Variants in EPS15 observed in about 807,000 individuals in gnomAD.
EPS15 encodes epidermal growth factor receptor substrate 15.
EPS15 carries 72 observed loss-of-function variants against 113.8 expected under a neutral mutation model. The observed-to-expected ratio is 0.63, with a 90% CI of 0.52 to 0.77. The LOEUF (loss-of-function observed/expected upper bound fraction) is 0.77. Among genes scored for constraint, EPS15 ranks in the 30% least tolerant of loss-of-function variants. The pLI is 0.00. For missense variants in EPS15, 1,048 were observed against 1,045.8 expected, an observed-to-expected ratio of 1.00 and a Z score of -0.03; for synonymous variants, 344 against 363.4, an observed-to-expected ratio of 0.95 and a Z score of 0.61.
intron 1 of EPS15, among the ~76,000 whole-genome samples, chr1:51,486,672 TTTC>T (rs1167394332): frequency 6.6e-6 from 1 of 152,086 alleles, no homozygotes; most frequent in Non-Finnish European, 1.5e-5. Flanking sequence ...TATTTATAAT[TTTC>T]TTTTCTTTTT....
rs893028487 is a variant in EPS15, at chr1:51,355,851, G to C, written c.*849C>G. 9 of 199,454 alleles carry C rather than the reference G, an allele frequency of 4.5e-5. No individual in the cohort carries two copies. The highest frequency in any genetic ancestry group is 1.6e-4 in the African/African-American group (7 of 43,550). The allele number at this position is 199,454 out of a possible 1,614,324, so 12.4% of individuals were successfully genotyped here. ...GGGCCACGGCAAAGGCAGAATGGCT[G>C]CCATGTTAAGACTTTTGCTTGCCTT... On this transcript the variant is annotated 3_prime_UTR_variant, in exon 25 of 25. Coordinates refer to ENST00000371733, the MANE Select transcript of EPS15 (RefSeq NM_001981.3).
intron 19 of EPS15, 94 bp downstream of exon 19, chr1:51,400,824 C>G: frequency 1.5e-6 from 1 of 648,404 alleles, no homozygotes; most frequent in Non-Finnish European, 2.5e-6. Flanking sequence ...CATAGAGCAT[C>G]TTACTGGGGC....
intron 1 of EPS15, among the ~76,000 whole-genome samples, chr1:51,515,109 G>C (rs1644691367): frequency 1.3e-5 from 2 of 152,150 alleles, no homozygotes; most frequent in African/African-American, 2.4e-5. Context: ...GAAATTATGG[G>C]AGATGTTTTC....
At chr1:51,405,837 T>C (rs1649069025) in intron 16 of EPS15, 68 bp downstream of exon 16, 2 of 1,283,934 alleles carry the variant, frequency 1.6e-6, no homozygotes, top group South Asian at 2.4e-5. Flanking sequence ...ATATTAGATA[T>C]AATGTCAGTG....
At chr1:51,383,090 T>G (rs72694158) in intron 21 of EPS15, among the ~76,000 whole-genome samples, 3,199 of 152,334 alleles carry the variant, frequency 0.021, 52 homozygotes, top group Non-Finnish European at 0.031. Flanking sequence ...AATCATTCAA[T>G]GTAATACACC....
At chr1:51,406,409 A>G (rs555967161) in intron 15 of EPS15, among the ~76,000 whole-genome samples, 1 of 152,286 alleles carries the variant, frequency 6.6e-6, no homozygotes, top group African/African-American at 2.4e-5. Context: ...CCAGAGGTCA[A>G]GGCTGCAGTG....
chr1:51,423,986 A>T (rs1176220285), intron 12 of EPS15, among the ~76,000 whole-genome samples: 2 of 152,012 alleles, frequency 1.3e-5, no homozygotes, highest in Non-Finnish European at 2.9e-5. Flanking sequence ...TATCCTGAAG[A>T]CCATTCCCAA....
chr1:51,357,446 A>AT (rs1491418120), intron 24 of EPS15, among the ~76,000 whole-genome samples: 20 of 70,334 alleles, frequency 2.8e-4, no homozygotes, highest in Admixed American at 4.0e-4. Flanking sequence ...TTTAAATGTG[A>AT]TATATATATA....
rs367941976 is a variant in EPS15 at position 51,465,338 on chromosome 1, A to G, written c.310-12T>C. On this transcript the variant is annotated splice_polypyrimidine_tract_variant and intron_variant, in intron 5 of 24. Transcript: ENST00000371733. Reference sequence around the variant, plus strand: ...CTACTGGTATCATGCTATAGAAGAAAGTAAAGCACAACAAGAGTTGAAATT... The same window carrying G: ...CTACTGGTATCATGCTATAGAAGAAGGTAAAGCACAACAAGAGTTGAAATT... The G allele has an allele frequency of 3.9e-5, 62 of 1,584,276 alleles. No individual in the cohort carries two copies. Among genetic ancestry groups the G allele is most frequent in the African/African-American group, 1.1e-4 (8 of 73,934 alleles).
intron 12 of EPS15, among the ~76,000 whole-genome samples, chr1:51,431,016 ACACACACACAC>A (rs1651684196): frequency 3.6e-5 from 5 of 137,154 alleles, no homozygotes; most frequent in African/African-American, 1.1e-4. Flanking sequence ...ACACACACAC[ACACACACACAC>A]AAAAATAAAA....
intron 10 of EPS15, among the ~76,000 whole-genome samples, chr1:51,446,253 G>C (rs778566319): frequency 6.6e-6 from 1 of 152,064 alleles, no homozygotes; most frequent in African/African-American, 2.4e-5. Context: ...CCTTTTCAAG[G>C]ACCAAGTATG....
chr1:51,502,655 TA>T (rs995298755), intron 1 of EPS15, among the ~76,000 whole-genome samples: 11 of 152,132 alleles, frequency 7.2e-5, no homozygotes, highest in African/African-American at 2.7e-4. Context: ...AAGATCAGTA[TA>T]AAAAAATTTT....
intron 6 of EPS15, among the ~76,000 whole-genome samples, chr1:51,464,218 T>C (rs1481963509): frequency 6.6e-6 from 1 of 150,608 alleles, no homozygotes; most frequent in African/African-American, 2.4e-5. Context: ...AAAGATGGTA[T>C]GAGGTGCAGT....
At chr1:51,405,841 G>T in intron 16 of EPS15, 64 bp downstream of exon 16, 2 of 1,314,914 alleles carry the variant, frequency 1.5e-6, no homozygotes, top group Non-Finnish European at 2.2e-6. Flanking sequence ...TAGATATAAT[G>T]TCAGTGAAAC....
chr1:51,486,293 C>T (rs1469897798), intron 1 of EPS15, among the ~76,000 whole-genome samples: 3 of 151,360 alleles, frequency 2.0e-5, no homozygotes, highest in African/African-American at 2.4e-5. Flanking sequence ...GACATGGTGG[C>T]GGGCACCTGT....
chr1:51,447,710 T>C (rs1653180619), intron 9 of EPS15, among the ~76,000 whole-genome samples: 1 of 152,186 alleles, frequency 6.6e-6, no homozygotes, highest in Non-Finnish European at 1.5e-5. Flanking sequence ...ATTTCTAACT[T>C]TAATTCCAGG....
At chr1:51,487,833 A>G (rs756914760) in intron 1 of EPS15, among the ~76,000 whole-genome samples, 1 of 152,224 alleles carries the variant, frequency 6.6e-6, no homozygotes, top group Non-Finnish European at 1.5e-5. Context: ...AAAGCCATCC[A>G]AAGTGCCAAG....
intron 1 of EPS15, among the ~76,000 whole-genome samples, chr1:51,497,974 T>C (rs1644353981): frequency 1.7e-5 from 2 of 120,432 alleles, no homozygotes; most frequent in East Asian, 2.2e-4. Flanking sequence ...AGACCCCGTC[T>C]CAAAAAAAAA....
At chr1:51,433,382 A>G (rs1292021952) in intron 12 of EPS15, among the ~76,000 whole-genome samples, 1 of 152,240 alleles carries the variant, frequency 6.6e-6, no homozygotes, top group Non-Finnish European at 1.5e-5. Context: ...TCATATTTCC[A>G]TTTTACAGAT....
Sources: gnomAD v4.1 joint callset for allele counts (sites outside exome capture counted in the v4.1 genomes callset) on GRCh38, gnomAD v4.1.1 for gene constraint, MANE v1.5 for transcripts, NCBI Gene and HGNC (gene_info 2026-07-23, HGNC 2026-07-21) for gene names.